The following CCDC85C variants were observed in gnomAD, a reference collection of about 807,000 sequenced individuals.
The protein encoded by CCDC85C is coiled-coil domain containing 85C, also known as coiled-coil domain-containing protein 85C.
In CCDC85C, 18 loss-of-function variants were observed where a neutral mutation model predicts 38.3. The ratio of observed to expected loss-of-function variants is 0.47; its 90% CI spans 0.33 to 0.70. CCDC85C has a LOEUF of 0.70. Among genes scored for constraint, CCDC85C ranks in the 30% least tolerant of loss-of-function variants. The pLI is 0.03. For synonymous variants in CCDC85C, 264 were observed against 293.8 expected (o/e 0.90, Z 1.04); for missense variants, 566 against 621.2 (o/e 0.91, Z 0.94).
Position 99,503,072 on chromosome 14 carries a change from AG to A in CCDC85C, c.*12173del. On this transcript the variant is annotated 3_prime_UTR_variant, in exon 6 of 6. Transcript: ENST00000380243. Reference sequence around the variant, plus strand: ...ACTGTTCCCATTTCTAAGCGAGCACAGGGAACACCGGAAGCAGGGGGTGTTC... The same window carrying A: ...ACTGTTCCCATTTCTAAGCGAGCACAGGAACACCGGAAGCAGGGGGTGTTC... 1 of 1,425,458 alleles carries A rather than the reference AG, an allele frequency of 7.0e-7. No homozygotes were observed. Among genetic ancestry groups the A allele is most frequent in the Non-Finnish European group, 9.9e-7 (1 of 1,010,018 alleles). The allele number at this position is 1,425,458 out of a possible 1,614,324, so 88.3% of individuals were successfully genotyped here. A position where few individuals can be genotyped will look rare whatever the true frequency, so the allele number is the denominator to read the frequency against.
intron 1 of CCDC85C, among the ~76,000 whole-genome samples, chr14:99,553,403 C>T (rs2021098): frequency 0.3 from 45,914 of 151,836 alleles, 7,397 homozygotes; most frequent in East Asian, 0.54. Context: ...CCTGCTTTGT[C>T]GCCCAGGCTG....
Position 99,515,243 on chromosome 14 carries a change from G to A in CCDC85C, c.*3C>T, listed in dbSNP as rs1897202746. 1 of 1,549,318 alleles carries A rather than the reference G, an allele frequency of 6.5e-7. No homozygotes were observed. Among genetic ancestry groups the A allele is most frequent in the South Asian group, 1.2e-5 (1 of 84,016 alleles). ...GCCAGTCCACGTCCACAGAAGAGTGGCCCTACAAAGGCCCCTTGAACTGGT... is the reference window on the plus strand; with the variant it reads ...GCCAGTCCACGTCCACAGAAGAGTGACCCTACAAAGGCCCCTTGAACTGGT... On this transcript the variant is annotated 3_prime_UTR_variant, in exon 6 of 6. Coordinates refer to ENST00000380243, the MANE Select transcript of CCDC85C (RefSeq NM_001144995.2).
intron 1 of CCDC85C, among the ~76,000 whole-genome samples, chr14:99,565,364 G>C (rs1181371942): frequency 1.3e-5 from 2 of 152,204 alleles, no homozygotes; most frequent in Admixed American, 1.3e-4. Context: ...GGCACCCCCT[G>C]GCATGCAATG....
At chr14:99,598,132 T>C (rs2139994682) in intron 1 of CCDC85C, among the ~76,000 whole-genome samples, 1 of 152,214 alleles carries the variant, frequency 6.6e-6, no homozygotes, top group East Asian at 1.9e-4. Context: ...CCTTCGCACA[T>C]CAGGGGCTGC....
chr14:99,586,135 A>G (rs1299004395), intron 1 of CCDC85C, among the ~76,000 whole-genome samples: 1 of 152,212 alleles, frequency 6.6e-6, no homozygotes, highest in African/African-American at 2.4e-5. Flanking sequence ...GTGCAGGGCA[A>G]CACGGGGCCA....
intron 1 of CCDC85C, among the ~76,000 whole-genome samples, chr14:99,581,099 G>A (rs1022945387): frequency 6.6e-6 from 1 of 152,138 alleles, no homozygotes; most frequent in African/African-American, 2.4e-5. Context: ...CTGGGAGGCT[G>A]GTTCCACGAT....
chr14:99,519,418 A>G (rs574762049), intron 3 of CCDC85C, among the ~76,000 whole-genome samples: 3 of 151,834 alleles, frequency 2.0e-5, no homozygotes, highest in Admixed American at 1.3e-4. Context: ...AGCCTGGCCT[A>G]CATGCCCACT....
chr14:99,603,926 ACGCCGC>A lies in CCDC85C; in HGVS notation c.28_33del (p.Ala10_Ala11del). 3 of 1,421,054 alleles carry A rather than the reference ACGCCGC, an allele frequency of 2.1e-6. No homozygotes were observed. The South Asian group carries it at 4.4e-5, about 21-fold the overall frequency. 88.0% of individuals were successfully genotyped at this position (1,421,054 alleles called of 1,614,324 possible). On this transcript the variant is annotated inframe_deletion, in exon 1 of 6. Transcript: ENST00000380243. The surrounding 1 kb of genome is among the most constrained non-coding windows in gnomAD (Gnocchi z 7.5). Reference sequence around the variant, plus strand: ...TCCGGCACCTGGCTCAGCTCCTCCGACGCCGCCGCCGCCGTCGCCGCGGGCTTAGCC... The same window carrying A: ...TCCGGCACCTGGCTCAGCTCCTCCGACGCCGCCGTCGCCGCGGGCTTAGCC...
At chr14:99,549,486 C>G (rs1043996404) in intron 1 of CCDC85C, among the ~76,000 whole-genome samples, 14 of 152,168 alleles carry the variant, frequency 9.2e-5, no homozygotes, top group Admixed American at 7.9e-4. Context: ...ACACAGAGGC[C>G]AGAGCAGGCC....
chr14:99,528,154 A>G (rs1897423831), intron 2 of CCDC85C, among the ~76,000 whole-genome samples: 1 of 152,112 alleles, frequency 6.6e-6, no homozygotes, highest in African/African-American at 2.4e-5. Context: ...CGCACAGCAC[A>G]CAAAGCAGCC....
At chr14:99,556,574 A>C (rs778672398) in intron 1 of CCDC85C, among the ~76,000 whole-genome samples, 1 of 152,170 alleles carries the variant, frequency 6.6e-6, no homozygotes, top group Admixed American at 6.5e-5. Flanking sequence ...GGAGTGCAGC[A>C]GTGTGATCAT....
At chr14:99,582,441 T>G (rs1172413503) in intron 1 of CCDC85C, among the ~76,000 whole-genome samples, 2 of 152,130 alleles carry the variant, frequency 1.3e-5, no homozygotes, top group Non-Finnish European at 2.9e-5. Context: ...AACGGATGTC[T>G]TGTCTATGGT....
chr14:99,587,336 C>A (rs1360018378), intron 1 of CCDC85C, among the ~76,000 whole-genome samples: 2 of 152,270 alleles, frequency 1.3e-5, no homozygotes, highest in Middle Eastern at 3.2e-3. Flanking sequence ...CTAAAGCCCT[C>A]AGAGCCTCAT....
Position 99,512,893 on chromosome 14 carries a change from G to A in CCDC85C, c.*2353C>T, listed in dbSNP as rs1487479817. The A allele has an allele frequency of 6.6e-6, 1 of 152,244 alleles. No individual in the cohort carries two copies. The highest frequency in any genetic ancestry group is 1.5e-5 in the Non-Finnish European group (1 of 68,040). 9.4% of individuals were successfully genotyped at this position (152,244 alleles called of 1,614,324 possible). ...GCTCTGCAACTGCCACCTGTACTCAGGTACATGGCGTCGCTGCTGCTGGCT... is the reference window on the plus strand; with the variant it reads ...GCTCTGCAACTGCCACCTGTACTCAAGTACATGGCGTCGCTGCTGCTGGCT... On this transcript the variant is annotated 3_prime_UTR_variant, in exon 6 of 6. Coordinates refer to ENST00000380243, the MANE Select transcript of CCDC85C (RefSeq NM_001144995.2).
chr14:99,590,492 T>C (rs975696151), intron 1 of CCDC85C, among the ~76,000 whole-genome samples: 11 of 152,130 alleles, frequency 7.2e-5, no homozygotes, highest in African/African-American at 2.7e-4. Flanking sequence ...TCCAGGGCCA[T>C]TGACAGCAGA....
At chr14:99,567,751 G>A (rs1898244358) in intron 1 of CCDC85C, among the ~76,000 whole-genome samples, 1 of 152,206 alleles carries the variant, frequency 6.6e-6, no homozygotes. Flanking sequence ...CTTGAACTTG[G>A]GAGGAGGAGC....
chr14:99,515,858 G>C (rs948415721), intron 5 of CCDC85C, among the ~76,000 whole-genome samples: 1 of 152,010 alleles, frequency 6.6e-6, no homozygotes, highest in African/African-American at 2.4e-5. Flanking sequence ...GAGGCCCGGG[G>C]GCCAGCACCC....
chr14:99,594,043 A>T (rs2055117824), intron 1 of CCDC85C, among the ~76,000 whole-genome samples: 1 of 149,408 alleles, frequency 6.7e-6, no homozygotes, highest in Non-Finnish European at 1.5e-5. Flanking sequence ...GGGGGCGGGG[A>T]GTAACTTATT....
At chr14:99,557,008 G>C (rs776450664) in intron 1 of CCDC85C, among the ~76,000 whole-genome samples, 8 of 151,822 alleles carry the variant, frequency 5.3e-5, no homozygotes, top group Non-Finnish European at 1.2e-4. Context: ...GTACATTCTT[G>C]CCACTTTTCT....
Sources: allele counts gnomAD v4.1 joint callset (sites outside exome capture counted in the v4.1 genomes callset), GRCh38; gene constraint gnomAD v4.1.1; non-coding constraint Gnocchi (gnomAD v3.1); transcripts MANE v1.5; gene names NCBI Gene and HGNC (gene_info 2026-07-23, HGNC 2026-07-21).